The following RCBTB1 variants were observed in gnomAD, a reference collection of about 807,000 sequenced individuals.
RCBTB1 encodes the protein RCC1 and BTB domain containing protein 1, also known as RCC1 and BTB domain-containing protein 1.
RCBTB1 carries 46 observed loss-of-function variants against 62.4 expected under a neutral mutation model. The ratio of observed to expected loss-of-function variants is 0.74; its 90% CI spans 0.58 to 0.94. RCBTB1 has a LOEUF of 0.94. Among genes scored for constraint, RCBTB1 ranks in the 40% least tolerant of loss-of-function variants. The probability of loss-of-function intolerance (pLI) is 0.00; values close to 1 mark genes in which losing one functional copy is unlikely to be tolerated. For missense variants in RCBTB1, 565 were observed against 654.9 expected, an observed-to-expected ratio of 0.86 and a Z score of 1.50; for synonymous variants, 222 against 245.8, an observed-to-expected ratio of 0.90 and a Z score of 0.91.
At chr13:49,550,522 T>C (rs887682484) in intron 8 of RCBTB1, 1 of 468,488 alleles carries the variant, frequency 2.1e-6, no homozygotes, top group Non-Finnish European at 2.8e-6. Context: ...AAGCATCTAT[T>C]CCAGTAACAC....
intron 2 of RCBTB1, among the ~76,000 whole-genome samples, chr13:49,571,076 G>A (rs1434226149): frequency 1.3e-5 from 2 of 152,218 alleles, no homozygotes; most frequent in Admixed American, 1.3e-4. Flanking sequence ...GCCGGGCGGG[G>A]TAGCTCACAC....
chr13:49,565,373 A>G (rs1594320382), intron 4 of RCBTB1, among the ~76,000 whole-genome samples: 1 of 149,842 alleles, frequency 6.7e-6, no homozygotes, highest in South Asian at 2.1e-4. Context: ...TACGACCTCC[A>G]CCTCCCAGCT....
chr13:49,544,856 T>C lies in RCBTB1; in HGVS notation c.1053A>G (p.Glu351=). 1 of 1,610,812 alleles carries C rather than the reference T, an allele frequency of 6.2e-7. No homozygotes were observed. The highest frequency in any genetic ancestry group is 1.3e-5 in the African/African-American group (1 of 75,010). The change falls in exon 10 of 13, where the codon GAA becomes GAG. Residue 351 remains glutamate (E), a synonymous_variant. Coordinates refer to ENST00000378302, the MANE Select transcript of RCBTB1 (RefSeq NM_018191.4). ...VSWRLLSVEH[E]DFLTVAESLK... ...GTGACTCTGCAACTGTTAAAAAGTCTTCATGCTCTGAAGGCAACAAACATA... is the reference window on the plus strand; with the variant it reads ...GTGACTCTGCAACTGTTAAAAAGTCCTCATGCTCTGAAGGCAACAAACATA...
At chr13:49,554,164 T>G (rs1428828489) in intron 6 of RCBTB1, among the ~76,000 whole-genome samples, 1 of 152,006 alleles carries the variant, frequency 6.6e-6, no homozygotes, top group Admixed American at 6.6e-5. Context: ...GGTATAATCA[T>G]CCCATTTTTT....
chr13:49,559,572 C>T (rs576503992), intron 5 of RCBTB1, among the ~76,000 whole-genome samples: 1 of 146,598 alleles, frequency 6.8e-6, no homozygotes, highest in East Asian at 2.0e-4. Context: ...AGGAAAATGG[C>T]GTAAACCCGG....
rs1471861335 is a variant in RCBTB1, at chr13:49,547,189, T to G, written c.1045+2269A>C. Reference sequence around the variant, plus strand: ...AATACTCACTGCAAAAAAAAAAAAATACTGTATTATACCTAAAGAACATGG... The same window carrying G: ...AATACTCACTGCAAAAAAAAAAAAAGACTGTATTATACCTAAAGAACATGG... On this transcript the variant is annotated intron_variant, in intron 9 of 12. Coordinates refer to ENST00000378302, the MANE Select transcript of RCBTB1 (RefSeq NM_018191.4). 5 of 743,714 alleles carry G rather than the reference T, an allele frequency of 6.7e-6. No homozygotes were observed. In the African/African-American group the frequency reaches 9.1e-5, roughly 14 times the overall value. The allele number at this position is 743,714 out of a possible 1,614,324, so 46.1% of individuals were successfully genotyped here.
chr13:49,562,640 C>T (rs1182749601), intron 4 of RCBTB1, among the ~76,000 whole-genome samples: 1 of 151,664 alleles, frequency 6.6e-6, no homozygotes, highest in African/African-American at 2.4e-5. Context: ...TCACTCTGAC[C>T]CTCACTCTGT....
In RCBTB1 at chr13:49,547,721, A is replaced by G. The variant is rs539091671; in HGVS notation, c.1045+1737T>C. Among the ~76,000 whole-genome samples the G allele has an allele frequency of 1.2e-4, 18 of 152,324 alleles. 1 individual carries two copies. The South Asian group carries it at 3.7e-3, about 32-fold the overall frequency. On this transcript the variant is annotated intron_variant, in intron 9 of 12. Transcript: ENST00000378302. ...TGCCCTTCTGAAATAAAAGAATTTG[A>G]AATCAGTTGAAAGACAAAGATAGAA...
intron 8 of RCBTB1, chr13:49,550,390 A>T: frequency 1.0e-6 from 1 of 974,112 alleles, no homozygotes; most frequent in Non-Finnish European, 1.2e-6. Context: ...CCAATCCAAA[A>T]GGAAAACAAG....
At chr13:49,557,829 C>T (rs1047433441) in intron 5 of RCBTB1, among the ~76,000 whole-genome samples, 2 of 152,048 alleles carry the variant, frequency 1.3e-5, no homozygotes, top group Non-Finnish European at 2.9e-5. Context: ...ATACAATACA[C>T]GTTATGCTAG....
intron 6 of RCBTB1, among the ~76,000 whole-genome samples, chr13:49,553,214 C>CA (rs574277682): frequency 7.2e-5 from 11 of 151,976 alleles, no homozygotes; most frequent in South Asian, 2.1e-4. Context: ...GGGAAAGTGA[C>CA]AAAAAACCTA....
chr13:49,570,588 G>A (rs1426439636), intron 2 of RCBTB1, among the ~76,000 whole-genome samples: 1 of 152,154 alleles, frequency 6.6e-6, no homozygotes, highest in African/African-American at 2.4e-5. Context: ...CTAGAAATTT[G>A]TCATTTTATG....
At chr13:49,551,017 CACTT>C (rs950493738) in intron 8 of RCBTB1, among the ~76,000 whole-genome samples, 2 of 151,646 alleles carry the variant, frequency 1.3e-5, no homozygotes, top group Non-Finnish European at 2.9e-5. Context: ...GCAGAAGAAT[CACTT>C]GAACCCACGA....
At chr13:49,559,580 C>A (rs554305064) in intron 5 of RCBTB1, among the ~76,000 whole-genome samples, 2 of 143,356 alleles carry the variant, frequency 1.4e-5, no homozygotes, top group South Asian at 4.4e-4. Flanking sequence ...GGCGTAAACC[C>A]GGGAGGCGGA....
At chr13:49,576,546 A>G (rs778147398) in intron 2 of RCBTB1, among the ~76,000 whole-genome samples, 8 of 152,204 alleles carry the variant, frequency 5.3e-5, no homozygotes, top group Non-Finnish European at 1.0e-4. Flanking sequence ...CATTTATAAA[A>G]GAAATATAGC....
At chr13:49,552,051 A>G in intron 7 of RCBTB1, 127 bp downstream of exon 7, 2 of 704,246 alleles carry the variant, frequency 2.8e-6, no homozygotes, top group Non-Finnish European at 5.1e-6. Flanking sequence ...ATAATATTAA[A>G]TATGGAAGAT....
In RCBTB1 at chr13:49,549,892, C is replaced by T. The variant is rs546537281; in HGVS notation, c.855-244G>A. On this transcript the variant is annotated intron_variant, in intron 8 of 12. Coordinates refer to ENST00000378302, the MANE Select transcript of RCBTB1 (RefSeq NM_018191.4). ...AGTTAGGATAGATCACACAGACCGC[C>T]GAGGAAAACTTGGAAAACAGACCAG... 38 of 985,268 alleles carry T rather than the reference C, an allele frequency of 3.9e-5. No individual in the cohort carries two copies. The South Asian group carries it at 1.7e-3, about 44-fold the overall frequency. The allele number at this position is 985,268 out of a possible 1,614,324, so 61.0% of individuals were successfully genotyped here.
intron 6 of RCBTB1, among the ~76,000 whole-genome samples, chr13:49,553,503 G>C (rs1961566829): frequency 6.6e-6 from 1 of 152,138 alleles, no homozygotes; most frequent in South Asian, 2.1e-4. Flanking sequence ...CTTGGATATA[G>C]AGTGAGAGGA....
intron 2 of RCBTB1, among the ~76,000 whole-genome samples, chr13:49,571,312 C>T (rs1048076788): frequency 6.6e-6 from 1 of 152,044 alleles, no homozygotes; most frequent in Admixed American, 6.6e-5. Context: ...CACCACTGCA[C>T]CCCAGCCTGG....
Sources: allele counts gnomAD v4.1 joint callset (sites outside exome capture counted in the v4.1 genomes callset), GRCh38; gene constraint gnomAD v4.1.1; transcripts MANE v1.5; gene names NCBI Gene and HGNC (gene_info 2026-07-23, HGNC 2026-07-21).